Variants in PCDH9 observed in about 807,000 individuals in gnomAD.
PCDH9 encodes the protein protocadherin 9, also known as protocadherin-9.
Under a neutral mutation model 70.6 loss-of-function variants are expected in PCDH9, and 24 were observed. That is an observed-to-expected ratio of 0.34 (90% CI 0.25 to 0.48). The LOEUF (loss-of-function observed/expected upper bound fraction) is 0.48, where lower values mean the gene tolerates loss of function less well. Ranked by LOEUF, PCDH9 falls within the 20% of genes least tolerant of loss-of-function variation. The pLI is 0.99. For synonymous variants in PCDH9, 562 were observed against 558.5 expected (o/e 1.01, Z -0.09); for missense variants, 1,281 against 1,503.6 (o/e 0.85, Z 2.45).
At chr13:66,589,681 C>A (rs1300710143) in intron 4 of PCDH9, among the ~76,000 whole-genome samples, 2 of 151,992 alleles carry the variant, frequency 1.3e-5, no homozygotes, top group Non-Finnish European at 2.9e-5. Flanking sequence ...GATGTGGGAG[C>A]AGCGATGAAT....
chr13:67,185,089 G>T (rs1393951223), intron 2 of PCDH9, among the ~76,000 whole-genome samples: 2 of 152,122 alleles, frequency 1.3e-5, no homozygotes, highest in East Asian at 1.9e-4. Flanking sequence ...ACTAATATTT[G>T]ATCTACTAGA....
intron 2 of PCDH9, chr13:67,208,079 A>G (rs2089393253): frequency 6.6e-6 from 1 of 152,158 alleles, no homozygotes; most frequent in African/African-American, 2.4e-5. Context: ...AAATAGCTGT[A>G]ATTCACACTG....
intron 4 of PCDH9, among the ~76,000 whole-genome samples, chr13:66,352,707 T>G (rs555591759): frequency 8.5e-5 from 13 of 152,320 alleles, no homozygotes; most frequent in Admixed American, 5.2e-4. Context: ...GTTTAGTGCT[T>G]CAACATATGA....
chr13:66,820,827 AG>A (rs1394022013), intron 3 of PCDH9, among the ~76,000 whole-genome samples: 4 of 152,214 alleles, frequency 2.6e-5, no homozygotes, highest in African/African-American at 7.2e-5. Flanking sequence ...GCAACACACT[AG>A]GGCCTGTTTG....
At chr13:66,489,238 A>G (rs978191578) in intron 4 of PCDH9, among the ~76,000 whole-genome samples, 7 of 152,158 alleles carry the variant, frequency 4.6e-5, no homozygotes, top group Non-Finnish European at 1.0e-4. Context: ...GTGTTACCGC[A>G]TTGAAAAATT....
At chr13:66,383,456 T>C (rs757705827) in intron 4 of PCDH9, among the ~76,000 whole-genome samples, 4 of 152,188 alleles carry the variant, frequency 2.6e-5, no homozygotes, top group East Asian at 1.9e-4. Context: ...CTCATCAAAG[T>C]CAACTTGCTA....
chr13:66,536,280 T>C (rs541390909), intron 4 of PCDH9, among the ~76,000 whole-genome samples: 1 of 152,214 alleles, frequency 6.6e-6, no homozygotes, highest in African/African-American at 2.4e-5. Flanking sequence ...ATAGATCTTC[T>C]GATTCCTTGT....
chr13:66,477,730 C>T (rs2138500524), intron 4 of PCDH9, among the ~76,000 whole-genome samples: 1 of 152,262 alleles, frequency 6.6e-6, no homozygotes, highest in East Asian at 1.9e-4. Context: ...CAATATAAAT[C>T]ACATGCAAAT....
chr13:67,091,350 G>GT (rs2086214784), intron 2 of PCDH9, among the ~76,000 whole-genome samples: 1 of 152,082 alleles, frequency 6.6e-6, no homozygotes, highest in Non-Finnish European at 1.5e-5. Context: ...AGCTAATACA[G>GT]TGAAGATTTT....
At chr13:66,700,743 C>T (rs1186311353) in intron 3 of PCDH9, among the ~76,000 whole-genome samples, 1 of 151,710 alleles carries the variant, frequency 6.6e-6, no homozygotes, top group African/African-American at 2.4e-5. Flanking sequence ...CTGCCCTACC[C>T]CAACAACGAA....
chr13:67,138,983 G>T (rs1304068685), intron 2 of PCDH9, among the ~76,000 whole-genome samples: 1 of 152,158 alleles, frequency 6.6e-6, no homozygotes, highest in Admixed American at 6.6e-5. Context: ...TTGAGAAAAT[G>T]AATCTTGTAT....
chr13:66,908,288 C>T (rs968532278), intron 2 of PCDH9, among the ~76,000 whole-genome samples: 2 of 152,188 alleles, frequency 1.3e-5, no homozygotes, highest in African/African-American at 4.8e-5. Context: ...TATGTACTGG[C>T]CTTCAAGGAT....
intron 3 of PCDH9, among the ~76,000 whole-genome samples, chr13:66,816,847 T>C (rs1163728195): frequency 7.3e-6 from 1 of 136,986 alleles, no homozygotes; most frequent in Non-Finnish European, 1.7e-5. Context: ...CAAGTTTTTG[T>C]AAAACAAGGT....
chr13:66,675,231 A>G (rs1206087318), intron 3 of PCDH9, among the ~76,000 whole-genome samples: 1 of 152,180 alleles, frequency 6.6e-6, no homozygotes, highest in East Asian at 1.9e-4. Context: ...AACACAAGTG[A>G]CAAAGAGTTA....
intron 4 of PCDH9, among the ~76,000 whole-genome samples, chr13:66,465,232 C>T (rs1253081614): frequency 1.3e-5 from 2 of 151,800 alleles, no homozygotes; most frequent in Non-Finnish European, 2.9e-5. Flanking sequence ...TTAATAAAAC[C>T]TTTAACCAGA....
At chr13:66,773,088 C>T (rs1229371168) in intron 3 of PCDH9, among the ~76,000 whole-genome samples, 2 of 152,184 alleles carry the variant, frequency 1.3e-5, no homozygotes, top group African/African-American at 2.4e-5. Context: ...CATTCAACTA[C>T]GTGACCGATC....
chr13:67,126,655 C>A (rs752435166), intron 2 of PCDH9, among the ~76,000 whole-genome samples: 19 of 152,080 alleles, frequency 1.2e-4, no homozygotes, highest in Non-Finnish European at 2.5e-4. Flanking sequence ...TTGAGACCAG[C>A]CTAGCCAACA....
rs578230360 is a variant in PCDH9, at chr13:67,044,312, C to T, written c.3037-140707G>A. ...CTTCAGAAAATAGTAAGAAATATAA[C>T]CTTACAACATCTTATTACTAGTGAG... On this transcript the variant is annotated intron_variant, in intron 2 of 4. Transcript: ENST00000377865. Among the ~76,000 whole-genome samples the T allele has an allele frequency of 3.3e-4, 50 of 152,126 alleles. 1 individual carries two copies. The South Asian group carries it at 8.5e-3, about 26-fold the overall frequency.
At chr13:67,015,749 ATC>A (rs1297861987) in intron 2 of PCDH9, among the ~76,000 whole-genome samples, 1 of 152,170 alleles carries the variant, frequency 6.6e-6, no homozygotes, top group African/African-American at 2.4e-5. Flanking sequence ...TCAGTTTCTA[ATC>A]TCTGTCCTTG....
Sources: gnomAD v4.1 joint callset for allele counts (sites outside exome capture counted in the v4.1 genomes callset) on GRCh38, gnomAD v4.1.1 for gene constraint, MANE v1.5 for transcripts, NCBI Gene and HGNC (gene_info 2026-07-23, HGNC 2026-07-21) for gene names.